The following ADAMTS3 variants were observed in gnomAD, a reference collection of about 807,000 sequenced individuals.
ADAMTS3 encodes the protein ADAM metallopeptidase with thrombospondin type 1 motif 3.
A neutral mutation model predicts 129.0 loss-of-function variants in ADAMTS3; 73 were observed. The observed-to-expected ratio is 0.57, with a 90% CI of 0.47 to 0.69. The LOEUF is 0.69. Ranked by LOEUF, ADAMTS3 falls within the 30% of genes least tolerant of loss-of-function variation. ADAMTS3 has a pLI of 0.00. For missense variants in ADAMTS3, 1,457 were observed against 1,514.5 expected, an observed-to-expected ratio of 0.96 and a Z score of 0.63; for synonymous variants, 477 against 510.8, an observed-to-expected ratio of 0.93 and a Z score of 0.89.
chr4:72,290,051 C>A (rs1718615897), intron 20 of ADAMTS3, among the ~76,000 whole-genome samples: 1 of 152,090 alleles, frequency 6.6e-6, no homozygotes, highest in Non-Finnish European at 1.5e-5. Context: ...TCCTATGACC[C>A]CAAGATTTCT....
In ADAMTS3 at chr4:72,523,128, C is replaced by T. The variant is rs190001383; in HGVS notation, c.504+25350G>A. ...ATCACCAAGTTAATAAATTACTATT[C>T]CAAAGGTAAATATAAAAAAAAGAAA... On this transcript the variant is annotated intron_variant, in intron 3 of 21. Coordinates refer to ENST00000286657, the MANE Select transcript of ADAMTS3 (RefSeq NM_014243.3). Among the ~76,000 whole-genome samples, 218 of 151,824 alleles carry T rather than the reference C, an allele frequency of 1.4e-3. 1 individual carries two copies. Among genetic ancestry groups the T allele is most frequent in the African/African-American group, 5.1e-3 (213 of 41,438 alleles).
At chr4:72,288,121 C>A (rs1718559582) in intron 21 of ADAMTS3, among the ~76,000 whole-genome samples, 1 of 152,202 alleles carries the variant, frequency 6.6e-6, no homozygotes. Context: ...CCACCTTGGC[C>A]TCCCAAAGTG....
At chr4:72,520,975 G>A (rs1307596915) in intron 3 of ADAMTS3, among the ~76,000 whole-genome samples, 1 of 151,538 alleles carries the variant, frequency 6.6e-6, no homozygotes, top group Non-Finnish European at 1.5e-5. Context: ...TTCCTATTCG[G>A]CCATCTGGGC....
chr4:72,490,834 G>A (rs1719721732), intron 3 of ADAMTS3, among the ~76,000 whole-genome samples: 2 of 151,828 alleles, frequency 1.3e-5, no homozygotes, highest in South Asian at 4.1e-4. Context: ...TGGTTTCACA[G>A]GAATTATAGG....
chr4:72,558,784 C>T lies in ADAMTS3; in HGVS notation c.97+8590G>A, dbSNP rs971275352. On this transcript the variant is annotated intron_variant, in intron 2 of 21. Transcript: ENST00000286657. ...GGTTAACCATGTCATACTCCAGTCA[C>T]ACTCCTTACAAATCAGAGGTAAAAT... is the stretch of plus-strand genomic sequence containing the variant. Among the ~76,000 whole-genome samples, 49 of 151,712 alleles carry T rather than the reference C, an allele frequency of 3.2e-4. 1 individual carries two copies. Among genetic ancestry groups the T allele is most frequent in the Admixed American group, 3.1e-3 (48 of 15,266 alleles).
At chr4:72,513,654 T>A (rs810929) in intron 3 of ADAMTS3, among the ~76,000 whole-genome samples, 99,090 of 152,086 alleles carry the variant, frequency 0.65, 32,909 homozygotes, top group African/African-American at 0.79. Context: ...TTTCCTTCAT[T>A]TGGACACTAG....
At chr4:72,421,392 G>A (rs1722441326) in intron 3 of ADAMTS3, among the ~76,000 whole-genome samples, 1 of 152,216 alleles carries the variant, frequency 6.6e-6, no homozygotes, top group Non-Finnish European at 1.5e-5. Context: ...CCAGGGTCTA[G>A]CACAGTGCCT....
chr4:72,495,220 G>C (rs1420612146), intron 3 of ADAMTS3, among the ~76,000 whole-genome samples: 1 of 152,150 alleles, frequency 6.6e-6, no homozygotes, highest in African/African-American at 2.4e-5. Context: ...CACACTCACT[G>C]CAGTAGTGAC....
intron 2 of ADAMTS3, among the ~76,000 whole-genome samples, chr4:72,551,027 TA>T (rs774582924): frequency 2.6e-5 from 4 of 152,168 alleles, no homozygotes; most frequent in Non-Finnish European, 4.4e-5. Flanking sequence ...TCGCCTTGTC[TA>T]AGCTGCTACA....
At chr4:72,389,112 A>G (rs997719754) in intron 4 of ADAMTS3, among the ~76,000 whole-genome samples, 1 of 152,120 alleles carries the variant, frequency 6.6e-6, no homozygotes, top group Non-Finnish European at 1.5e-5. Context: ...ACAGCAAGCC[A>G]CCCTTATCAG....
chr4:72,327,037 T>C (rs1326633430), intron 5 of ADAMTS3, among the ~76,000 whole-genome samples: 1 of 152,130 alleles, frequency 6.6e-6, no homozygotes, highest in Admixed American at 6.6e-5. Flanking sequence ...ATAAGAATTG[T>C]AAAATATTAT....
At chr4:72,539,320 C>G (rs1240690630) in intron 3 of ADAMTS3, among the ~76,000 whole-genome samples, 1 of 151,592 alleles carries the variant, frequency 6.6e-6, no homozygotes, top group African/African-American at 2.4e-5. Context: ...AAAACAACCA[C>G]CAGATTCAAA....
intron 3 of ADAMTS3, among the ~76,000 whole-genome samples, chr4:72,531,693 G>T (rs144891809): frequency 2.0e-5 from 3 of 152,232 alleles, no homozygotes; most frequent in Admixed American, 6.5e-5. Context: ...GAGGCAAAAT[G>T]GCTTTAGAAA....
At chr4:72,369,497 G>A (rs1720951208) in intron 4 of ADAMTS3, among the ~76,000 whole-genome samples, 1 of 152,086 alleles carries the variant, frequency 6.6e-6, no homozygotes, top group South Asian at 2.1e-4. Flanking sequence ...GATCACTTGA[G>A]GTCAGGAGTT....
At chr4:72,566,375 A>G (rs947198630) in intron 2 of ADAMTS3, among the ~76,000 whole-genome samples, 4 of 152,190 alleles carry the variant, frequency 2.6e-5, no homozygotes, top group Non-Finnish European at 5.9e-5. Flanking sequence ...TCTCTAACAT[A>G]GGCACAATAG....
chr4:72,380,430 T>G (rs1721256384), intron 4 of ADAMTS3, among the ~76,000 whole-genome samples: 1 of 152,190 alleles, frequency 6.6e-6, no homozygotes, highest in Admixed American at 6.5e-5. Context: ...ATCGATGTAT[T>G]TTAAAGAATA....
intron 3 of ADAMTS3, among the ~76,000 whole-genome samples, chr4:72,485,090 T>G (rs1242737253): frequency 1.3e-5 from 2 of 152,168 alleles, no homozygotes; most frequent in Non-Finnish European, 2.9e-5. Context: ...TTCTGATTAT[T>G]TCTGCAGCCA....
chr4:72,509,615 C>A (rs1720258792), intron 3 of ADAMTS3, among the ~76,000 whole-genome samples: 1 of 151,906 alleles, frequency 6.6e-6, no homozygotes, highest in Non-Finnish European at 1.5e-5. Context: ...AAGATTGAAG[C>A]CATAATGAAA....
intron 3 of ADAMTS3, among the ~76,000 whole-genome samples, chr4:72,473,000 T>C (rs1719119912): frequency 1.3e-5 from 2 of 151,736 alleles, no homozygotes. Flanking sequence ...CAAAGTAACT[T>C]GGAACCCCAT....
Sources: allele counts gnomAD v4.1 joint callset (sites outside exome capture counted in the v4.1 genomes callset), GRCh38; gene constraint gnomAD v4.1.1; transcripts MANE v1.5; gene names NCBI Gene and HGNC (gene_info 2026-07-23, HGNC 2026-07-21).